Variants in MGRN1 observed in about 807,000 individuals in gnomAD.
MGRN1 encodes the protein mahogunin ring finger 1.
A neutral mutation model predicts 69.2 loss-of-function variants in MGRN1; 29 were observed. That is an observed-to-expected ratio of 0.42 (90% CI 0.31 to 0.57). MGRN1 has a LOEUF of 0.57. Ranked by LOEUF, MGRN1 falls within the 20% of genes least tolerant of loss-of-function variation. The pLI is 0.15. For missense variants in MGRN1, 998 were observed against 796.2 expected (o/e 1.25, Z -3.05); for synonymous variants, 470 against 344.2 (o/e 1.37, Z -4.04).
chr16:4,664,739 C>A lies in MGRN1; in HGVS notation c.592C>A (p.Pro198Thr), dbSNP rs1234152125. 6.2e-7 allele frequency: 1 copy of A among 1,614,196 alleles called. No homozygotes were observed. Among genetic ancestry groups the A allele is most frequent in the Non-Finnish European group, 8.5e-7 (1 of 1,180,038 alleles). ...CTTTGACCTGGACCGGGGCGTGTTT[C>A]CAGTAGTCATCCAGGCTGTGGTGGA... Reference protein sequence around the residue: ...LNFDLDRGVFPVVIQAVVDEG... With the variant: ...LNFDLDRGVFTVVIQAVVDEG... Residue 198 changes from proline to threonine, a missense_variant, in exon 6 of 17, where the codon CCA (proline) becomes ACA (threonine). Coordinates refer to ENST00000262370, the MANE Select transcript of MGRN1 (RefSeq NM_015246.4).
At chr16:4,629,821 G>A (rs981742475) in intron 1 of MGRN1, among the ~76,000 whole-genome samples, 5 of 151,686 alleles carry the variant, frequency 3.3e-5, no homozygotes, top group African/African-American at 9.7e-5. Context: ...TGAGGTGGGC[G>A]GATCACCTGA....
chr16:4,674,621 C>T (rs369056968), intron 10 of MGRN1, among the ~76,000 whole-genome samples: 557 of 58,788 alleles, frequency 9.5e-3, no homozygotes, highest in Middle Eastern at 0.016. Flanking sequence ...CTTTTCTTTT[C>T]TTTTCTTTTT....
At chr16:4,667,442 G>A (rs2078830655) in intron 7 of MGRN1, among the ~76,000 whole-genome samples, 1 of 152,322 alleles carries the variant, frequency 6.6e-6, no homozygotes, top group Admixed American at 6.5e-5. Flanking sequence ...TGCTCTCCCC[G>A]GCCCGGACTC....
chr16:4,661,051 A>G (rs1270729491), intron 5 of MGRN1, among the ~76,000 whole-genome samples: 1 of 151,998 alleles, frequency 6.6e-6, no homozygotes, highest in Non-Finnish European at 1.5e-5. Context: ...GCACAATCAC[A>G]GCTTGCCGCA....
intron 1 of MGRN1, among the ~76,000 whole-genome samples, chr16:4,642,170 G>A (rs192074392): frequency 7.2e-6 from 1 of 139,132 alleles, no homozygotes; most frequent in Non-Finnish European, 1.5e-5. Context: ...TTGCTCTTTC[G>A]CCCAGGCTGG....
intron 4 of MGRN1, among the ~76,000 whole-genome samples, chr16:4,655,414 C>A (rs1022624752): frequency 6.6e-6 from 1 of 152,202 alleles, no homozygotes; most frequent in South Asian, 2.1e-4. Flanking sequence ...CACAGTCCCC[C>A]CCTCTCAGGA....
intron 5 of MGRN1, among the ~76,000 whole-genome samples, chr16:4,661,078 T>A (rs1437980796): frequency 6.6e-6 from 1 of 151,818 alleles, no homozygotes. Flanking sequence ...AACTCCTGGG[T>A]TAAGCGATCC....
At chr16:4,680,508 T>A (rs1188724856) in intron 12 of MGRN1, 1 of 181,674 alleles carries the variant, frequency 5.5e-6, no homozygotes, top group Non-Finnish European at 1.2e-5. Context: ...CTGAGCTTTT[T>A]GGTTTCCTTG....
In MGRN1 at chr16:4,624,991, G is replaced by C; in HGVS notation, c.31G>C (p.Gly11Arg). Residue 11 changes from glycine (G) to arginine (R), a missense_variant, in exon 1 of 17, where the codon GGG becomes CGG. Coordinates refer to ENST00000262370, the MANE Select transcript of MGRN1 (RefSeq NM_015246.4). ...CTCCATTCTCAGCCGCCGCATCGCG[G>C]GGGTGGAGGACATCGACATCCAGGC... Reference protein sequence around the residue: MGSILSRRIAGVEDIDIQANS... With the variant: MGSILSRRIARVEDIDIQANS... 1 of 1,558,538 alleles carries C rather than the reference G, an allele frequency of 6.4e-7. No homozygotes were observed. Among genetic ancestry groups the C allele is most frequent in the Non-Finnish European group, 8.7e-7 (1 of 1,154,950 alleles).
chr16:4,653,933 G>T (rs961067853), intron 4 of MGRN1, among the ~76,000 whole-genome samples: 1 of 152,118 alleles, frequency 6.6e-6, no homozygotes, highest in African/African-American at 2.4e-5. Context: ...TGTATTTTTA[G>T]TAGAGACGGG....
chr16:4,633,629 T>G (rs1365331414), intron 1 of MGRN1: 1 of 151,786 alleles, frequency 6.6e-6, no homozygotes, highest in East Asian at 1.9e-4. Flanking sequence ...AGGCAGAGGT[T>G]GCAGTGAGCC....
At chr16:4,626,421 C>T (rs1659487) in intron 1 of MGRN1, among the ~76,000 whole-genome samples, 151,929 of 152,336 alleles carry the variant, frequency 1, 75,763 homozygotes, top group Middle Eastern at 1. Flanking sequence ...TTCCAGCCTG[C>T]CTCTGGCTGA....
intron 5 of MGRN1, among the ~76,000 whole-genome samples, chr16:4,663,079 T>C (rs2141917625): frequency 6.6e-6 from 1 of 152,326 alleles, no homozygotes; most frequent in South Asian, 2.1e-4. Flanking sequence ...TGTTTTTGTT[T>C]TTGAGACGGA....
chr16:4,665,741 T>C (rs1407241331), intron 7 of MGRN1, among the ~76,000 whole-genome samples: 1 of 145,758 alleles, frequency 6.9e-6, no homozygotes, highest in African/African-American at 2.6e-5. Context: ...GGGATCTGTG[T>C]TCACTGCAAC....
chr16:4,672,425 G>A (rs572178031), intron 9 of MGRN1: 8 of 456,728 alleles, frequency 1.8e-5, no homozygotes, highest in Middle Eastern at 3.3e-4. Context: ...TCACAGGCCC[G>A]CTTCATTATG....
In MGRN1 at chr16:4,645,812, G is replaced by A. The variant is rs575413268; in HGVS notation, c.89-4553G>A. Among the ~76,000 whole-genome samples the A allele has an allele frequency of 4.6e-5, 7 of 152,286 alleles. No individual in the cohort carries two copies. The South Asian group carries it at 1.4e-3, about 32-fold the overall frequency. On this transcript the variant is annotated intron_variant, in intron 1 of 16. Transcript: ENST00000262370. The stretch of plus-strand genomic sequence containing the variant: ...CTGCCCCAGTGTGGCTGGGACGCCA[G>A]CAGAGTTTTGAGGGCAGTGGGTCCA...
At chr16:4,649,421 C>T (rs76249340) in intron 1 of MGRN1, 6,385 of 152,296 alleles carry the variant, frequency 0.042, 457 homozygotes, top group African/African-American at 0.14. Flanking sequence ...TCCCCGAAGG[C>T]GCTGGGGGAG....
At chr16:4,630,792 C>G (rs1472837386) in intron 1 of MGRN1, among the ~76,000 whole-genome samples, 1 of 149,554 alleles carries the variant, frequency 6.7e-6, no homozygotes, top group Non-Finnish European at 1.5e-5. Context: ...GGTCTTTGAT[C>G]CATTTAGAGT....
chr16:4,671,299 G>C lies in MGRN1; in HGVS notation c.727-92G>C, dbSNP rs752070220. 3.2e-6 allele frequency: 4 copies of C among 1,243,802 alleles called. No homozygotes were observed. The South Asian group carries it at 3.6e-5, about 11-fold the overall frequency. The allele number at this position is 1,243,802 out of a possible 1,614,324, so 77.0% of individuals were successfully genotyped here. On this transcript the variant is annotated intron_variant, in intron 8 of 16. Coordinates refer to ENST00000262370, the MANE Select transcript of MGRN1 (RefSeq NM_015246.4). The stretch of plus-strand genomic sequence containing the variant: ...GACTGACCCCTGGTATGGAAGCCTG[G>C]TAAGTTGGAGGCAGGGCTAGGCCAG...
Sources: allele counts gnomAD v4.1 joint callset (sites outside exome capture counted in the v4.1 genomes callset), GRCh38; gene constraint gnomAD v4.1.1; transcripts MANE v1.5; gene names NCBI Gene and HGNC (gene_info 2026-07-23, HGNC 2026-07-21).